The following ENPP6 variants were observed in gnomAD, a reference collection of about 807,000 sequenced individuals.
ENPP6 encodes ectonucleotide pyrophosphatase/phosphodiesterase 6, also known as glycerophosphocholine cholinephosphodiesterase ENPP6.
ENPP6 carries 32 observed loss-of-function variants against 42.0 expected under a neutral mutation model. The observed-to-expected ratio is 0.76, with a 90% confidence interval of 0.58 to 1.02. ENPP6 has a LOEUF of 1.02. Ranked by LOEUF, ENPP6 falls within the 50% of genes least tolerant of loss-of-function variation. The pLI, the probability that ENPP6 is intolerant of heterozygous loss-of-function variation, is 0.00. For missense variants in ENPP6, 552 were observed against 566.8 expected, an observed-to-expected ratio of 0.97 and a Z score of 0.27; for synonymous variants, 213 against 216.0, an observed-to-expected ratio of 0.99 and a Z score of 0.12.
At chr4:184,163,863 A>G (rs1390758398) in intron 1 of ENPP6, among the ~76,000 whole-genome samples, 2 of 152,242 alleles carry the variant, frequency 1.3e-5, no homozygotes, top group African/African-American at 2.4e-5. Flanking sequence ...ATTTAGTCAA[A>G]ACGTGGGGAT....
chr4:184,136,134 C>A (rs1043274732), intron 2 of ENPP6, among the ~76,000 whole-genome samples: 1 of 151,508 alleles, frequency 6.6e-6, no homozygotes. Context: ...CTTTGATTAA[C>A]CTCTTCCTTG....
chr4:184,201,273 A>G (rs921062884), intron 1 of ENPP6, among the ~76,000 whole-genome samples: 5 of 152,084 alleles, frequency 3.3e-5, no homozygotes, highest in African/African-American at 1.2e-4. Context: ...CCTCCAAATT[A>G]ATCTGAAATG....
At chr4:184,165,455 C>T (rs986250590) in intron 1 of ENPP6, among the ~76,000 whole-genome samples, 5 of 152,236 alleles carry the variant, frequency 3.3e-5, no homozygotes, top group African/African-American at 9.6e-5. Flanking sequence ...CCCCTCCAGC[C>T]ACGGTGTAGC....
chr4:184,132,113 T>C (rs759900431), intron 2 of ENPP6, among the ~76,000 whole-genome samples: 40 of 152,060 alleles, frequency 2.6e-4, no homozygotes, highest in South Asian at 4.1e-4. Context: ...GCCACCCACA[T>C]TGGGGAGGGA....
At position 184,184,528 on chromosome 4, in the gene ENPP6, C is replaced by T. The variant is rs111969966; in HGVS notation, c.242-30795G>A. Among the ~76,000 whole-genome samples the T allele has an allele frequency of 7.1e-3, 1,075 of 152,234 alleles. 14 individuals are homozygous for T. Among genetic ancestry groups the T allele is most frequent in the African/African-American group, 0.025 (1,034 of 41,526 alleles). ...GATTAAAATATGAGGGAAAGCAAAT[C>T]GTGGCTCCACAACCTGTGTCTACCC... On this transcript the variant is annotated intron_variant, in intron 1 of 7. Transcript: ENST00000296741. This position sits in a 1 kb window ranked among gnomAD's most constrained non-coding sequence, Gnocchi z 4.7.
intron 1 of ENPP6, among the ~76,000 whole-genome samples, chr4:184,190,120 C>T (rs1561005977): frequency 6.6e-6 from 1 of 152,136 alleles, no homozygotes; most frequent in Admixed American, 6.5e-5. Flanking sequence ...AGGGAACCGC[C>T]GTCTCTGAGA....
intron 6 of ENPP6, among the ~76,000 whole-genome samples, chr4:184,111,414 T>C (rs1482983083): frequency 6.6e-6 from 1 of 152,196 alleles, no homozygotes; most frequent in African/African-American, 2.4e-5. Context: ...CTTGACCACA[T>C]ATGTGCTCTG....
In ENPP6 at chr4:184,097,230, C is replaced by A. The variant is rs982225000; in HGVS notation, c.1117+15G>T. The A allele has an allele frequency of 1.2e-5, 20 of 1,613,918 alleles. No homozygotes were observed. In the African/African-American group the frequency reaches 2.5e-4, roughly 20 times the overall value. On this transcript the variant is annotated intron_variant, in intron 7 of 7. Transcript: ENST00000296741. ...GGAATGGGGTCTGAGAGCATCTGGT[C>A]ATTTCCTCGCCTACCAGGTCCGAAG...
At chr4:184,131,850 T>C (rs1400441885) in intron 2 of ENPP6, among the ~76,000 whole-genome samples, 1 of 149,674 alleles carries the variant, frequency 6.7e-6, no homozygotes, top group African/African-American at 2.5e-5. Flanking sequence ...AAGAGGTATA[T>C]TATGAGGAAT....
intron 6 of ENPP6, among the ~76,000 whole-genome samples, chr4:184,101,679 C>T (rs1325216640): frequency 2.6e-5 from 4 of 152,144 alleles, no homozygotes; most frequent in Non-Finnish European, 4.4e-5. Flanking sequence ...CCAGGACAGT[C>T]CCAGGCAAAC....
At chr4:184,188,223 A>G (rs1732664036) in intron 1 of ENPP6, among the ~76,000 whole-genome samples, 1 of 152,170 alleles carries the variant, frequency 6.6e-6, no homozygotes, top group Non-Finnish European at 1.5e-5. Flanking sequence ...CAATTCTAGA[A>G]GTCCTGTCAG....
At position 184,208,548 on chromosome 4, in the gene ENPP6, G is replaced by A. The variant is rs556319127; in HGVS notation, c.241+9031C>T. Reference sequence around the variant, plus strand: ...TTTTCCGACGGGCTTAAAAAACGGCGGACCACGAGATTATAACCCGCACCT... The same window carrying A: ...TTTTCCGACGGGCTTAAAAAACGGCAGACCACGAGATTATAACCCGCACCT... On this transcript the variant is annotated intron_variant, in intron 1 of 7. Coordinates refer to ENST00000296741, the MANE Select transcript of ENPP6 (RefSeq NM_153343.4). Among the ~76,000 whole-genome samples, 12 of 152,162 alleles carry A rather than the reference G, an allele frequency of 7.9e-5. No individual in the cohort carries two copies. In the South Asian group the frequency reaches 1.0e-3, roughly 13 times the overall value.
At chr4:184,131,171 TTC>T (rs752739581) in intron 2 of ENPP6, among the ~76,000 whole-genome samples, 15 of 58,580 alleles carry the variant, frequency 2.6e-4, no homozygotes, top group Admixed American at 8.4e-4. Context: ...CTTTCTTTCT[TTC>T]TTTCTTTCTT....
chr4:184,092,476 G>C (rs1262133674), intron 7 of ENPP6, among the ~76,000 whole-genome samples: 1 of 152,146 alleles, frequency 6.6e-6, no homozygotes, highest in East Asian at 1.9e-4. Flanking sequence ...ACACAGGTAG[G>C]GTGGCCACAC....
At chr4:184,170,353 C>T (rs1037043511) in intron 1 of ENPP6, among the ~76,000 whole-genome samples, 20 of 151,204 alleles carry the variant, frequency 1.3e-4, no homozygotes, top group African/African-American at 3.9e-4. Flanking sequence ...TCACTTGAGC[C>T]AGGGAGTTGA....
intron 1 of ENPP6, among the ~76,000 whole-genome samples, chr4:184,178,711 G>A (rs1289769244): frequency 6.6e-6 from 1 of 152,192 alleles, no homozygotes; most frequent in Non-Finnish European, 1.5e-5. Context: ...AAGAGACTGG[G>A]AGCCAATATT....
At position 184,188,254 on chromosome 4, in the gene ENPP6, T is replaced by C. The variant is rs545013982; in HGVS notation, c.241+29325A>G. On this transcript the variant is annotated intron_variant, in intron 1 of 7. Coordinates refer to ENST00000296741, the MANE Select transcript of ENPP6 (RefSeq NM_153343.4). ...GTCAGTTTCCGTTGTGCCTGAAGCC[T>C]TTCCCAGTCGTTTCTCTTTATGAAA... is the stretch of plus-strand genomic sequence containing the variant. Among the ~76,000 whole-genome samples, 29 of 152,320 alleles carry C rather than the reference T, an allele frequency of 1.9e-4. 1 individual carries two copies. The South Asian group carries it at 6.0e-3, about 32-fold the overall frequency.
At chr4:184,147,657 AG>A (rs1158430782) in intron 2 of ENPP6, among the ~76,000 whole-genome samples, 1 of 151,842 alleles carries the variant, frequency 6.6e-6, no homozygotes, top group African/African-American at 2.4e-5. Context: ...AAAACTTAGC[AG>A]GGTGGGGAGG....
chr4:184,112,549 G>C (rs182787696), intron 6 of ENPP6, 123 bp downstream of exon 6: 1 of 1,198,822 alleles, frequency 8.3e-7, no homozygotes, highest in African/African-American at 1.5e-5. Context: ...AAGACATAAC[G>C]CAACAAACGA....
Sources: gnomAD v4.1 joint callset for allele counts (sites outside exome capture counted in the v4.1 genomes callset) on GRCh38, gnomAD v4.1.1 for gene constraint, Gnocchi (gnomAD v3.1) non-coding constraint, MANE v1.5 for transcripts, NCBI Gene and HGNC (gene_info 2026-07-23, HGNC 2026-07-21) for gene names.